SLC25A21: variants seen among roughly 807,000 people sequenced by gnomAD.
SLC25A21 encodes the protein solute carrier family 25 member 21.
In SLC25A21, 47 loss-of-function variants were observed where a neutral mutation model predicts 43.8. The ratio of observed to expected loss-of-function variants is 1.07; its 90% confidence interval spans 0.85 to 1.37. SLC25A21 has a LOEUF of 1.37. SLC25A21 is among the 40% of genes most tolerant of loss of function. The probability of loss-of-function intolerance (pLI) is 0.00; values close to 1 mark genes in which losing one functional copy is unlikely to be tolerated. For synonymous variants in SLC25A21, 131 were observed against 121.3 expected, an observed-to-expected ratio of 1.08 and a Z score of -0.52; for missense variants, 352 against 350.2, an observed-to-expected ratio of 1.00 and a Z score of -0.04.
At chr14:37,033,783 A>T (rs543931366) in intron 1 of SLC25A21, among the ~76,000 whole-genome samples, 2 of 152,264 alleles carry the variant, frequency 1.3e-5, no homozygotes, top group South Asian at 2.1e-4. Flanking sequence ...ATGGTTGAGG[A>T]TTAGAAAGGT....
intron 3 of SLC25A21, among the ~76,000 whole-genome samples, chr14:36,742,725 CAT>C (rs1163050161): frequency 6.6e-6 from 1 of 152,188 alleles, no homozygotes; most frequent in Non-Finnish European, 1.5e-5. Flanking sequence ...AACATTCTAA[CAT>C]AAAACTAACA....
At chr14:36,875,405 G>C (rs936763824) in intron 1 of SLC25A21, among the ~76,000 whole-genome samples, 1 of 152,102 alleles carries the variant, frequency 6.6e-6, no homozygotes, top group Non-Finnish European at 1.5e-5. Flanking sequence ...CCCAGCTTTG[G>C]TATGTTAGTA....
chr14:36,918,153 G>A (rs933061548), intron 1 of SLC25A21, among the ~76,000 whole-genome samples: 2 of 152,102 alleles, frequency 1.3e-5, no homozygotes, highest in Admixed American at 6.6e-5. Context: ...CTACCCTCAG[G>A]CAGGCTTTCT....
intron 1 of SLC25A21, among the ~76,000 whole-genome samples, chr14:37,120,301 G>C (rs1169988981): frequency 6.6e-6 from 1 of 152,058 alleles, no homozygotes; most frequent in Admixed American, 6.5e-5. Context: ...TTTGGCTTTA[G>C]ACCTTTTCAT....
chr14:36,894,762 T>C lies in SLC25A21; in HGVS notation c.71-19758A>G, dbSNP rs561663408. On this transcript the variant is annotated intron_variant, in intron 1 of 9. Transcript: ENST00000331299. ...TTTTTAGCAAGAAGCATTGTTGAATTTTGTTAAAGGCCTTTTCTGCATCTA... is the reference window on the plus strand; with the variant it reads ...TTTTTAGCAAGAAGCATTGTTGAATCTTGTTAAAGGCCTTTTCTGCATCTA... Among the ~76,000 whole-genome samples, 383 of 152,270 alleles carry C rather than the reference T, an allele frequency of 2.5e-3. 2 individuals are homozygous for C. The highest frequency in any genetic ancestry group is 9.1e-3 in the African/African-American group (377 of 41,494).
At chr14:36,958,184 C>T (rs1433657757) in intron 1 of SLC25A21, among the ~76,000 whole-genome samples, 1 of 151,950 alleles carries the variant, frequency 6.6e-6, no homozygotes, top group Non-Finnish European at 1.5e-5. Flanking sequence ...AAGCCTGCCA[C>T]TGCCTCCATC....
At chr14:36,693,578 T>C (rs1882885042) in intron 7 of SLC25A21, among the ~76,000 whole-genome samples, 1 of 152,222 alleles carries the variant, frequency 6.6e-6, no homozygotes, top group Non-Finnish European at 1.5e-5. Flanking sequence ...TCATGTAATC[T>C]AGGGATTTTA....
intron 1 of SLC25A21, among the ~76,000 whole-genome samples, chr14:37,027,619 T>G (rs1486315915): frequency 6.6e-6 from 1 of 152,152 alleles, no homozygotes; most frequent in Non-Finnish European, 1.5e-5. Context: ...CCATGCAATT[T>G]TATAGCAGGC....
At chr14:36,993,064 A>G (rs1179153427) in intron 1 of SLC25A21, among the ~76,000 whole-genome samples, 2 of 152,220 alleles carry the variant, frequency 1.3e-5, no homozygotes, top group South Asian at 2.1e-4. Flanking sequence ...CTGGAATGAG[A>G]GTGAACATAT....
chr14:36,840,666 T>C (rs1889357452), intron 2 of SLC25A21, among the ~76,000 whole-genome samples: 1 of 152,234 alleles, frequency 6.6e-6, no homozygotes, highest in African/African-American at 2.4e-5. Flanking sequence ...CAAATGTTGC[T>C]ATCTAAAAGT....
At chr14:36,926,486 A>G (rs1892136078) in intron 1 of SLC25A21, among the ~76,000 whole-genome samples, 1 of 152,190 alleles carries the variant, frequency 6.6e-6, no homozygotes, top group Non-Finnish European at 1.5e-5. Context: ...AAGATAAATC[A>G]GAGAGGTGGG....
At chr14:37,118,839 A>G (rs1963153233) in intron 1 of SLC25A21, among the ~76,000 whole-genome samples, 1 of 152,098 alleles carries the variant, frequency 6.6e-6, no homozygotes, top group Non-Finnish European at 1.5e-5. Flanking sequence ...TTTGAACCAG[A>G]GTGACTCCAT....
intron 3 of SLC25A21, among the ~76,000 whole-genome samples, chr14:36,745,704 T>C (rs184326739): frequency 6.6e-6 from 1 of 152,300 alleles, no homozygotes; most frequent in Non-Finnish European, 1.5e-5. Context: ...TATTTTTTTC[T>C]TGTAAACTTG....
At chr14:37,148,917 G>A (rs1245860033) in intron 1 of SLC25A21, among the ~76,000 whole-genome samples, 2 of 152,184 alleles carry the variant, frequency 1.3e-5, no homozygotes, top group African/African-American at 4.8e-5. Flanking sequence ...AACATTATCA[G>A]TATATATAAT....
intron 1 of SLC25A21, among the ~76,000 whole-genome samples, chr14:37,106,420 TG>T (rs1375600653): frequency 6.6e-6 from 1 of 152,068 alleles, no homozygotes; most frequent in Non-Finnish European, 1.5e-5. Context: ...CTTATGCGGT[TG>T]AGATAAGGAC....
intron 7 of SLC25A21, among the ~76,000 whole-genome samples, chr14:36,689,437 T>C (rs1882700315): frequency 6.6e-6 from 1 of 152,168 alleles, no homozygotes; most frequent in Non-Finnish European, 1.5e-5. Flanking sequence ...TTGATTTTAT[T>C]AGGCTTGTAA....
chr14:37,090,907 T>C (rs1216578523), intron 1 of SLC25A21, among the ~76,000 whole-genome samples: 1 of 152,190 alleles, frequency 6.6e-6, no homozygotes, highest in Non-Finnish European at 1.5e-5. Context: ...CTGAACCCAC[T>C]GCTCCTAGGG....
intron 6 of SLC25A21, among the ~76,000 whole-genome samples, chr14:36,712,180 A>G (rs1037664894): frequency 6.7e-6 from 1 of 149,296 alleles, no homozygotes; most frequent in African/African-American, 2.6e-5. Flanking sequence ...AGTCTGGCTG[A>G]AGAGCTCACT....
intron 7 of SLC25A21, among the ~76,000 whole-genome samples, chr14:36,687,359 C>T (rs1882601795): frequency 6.6e-6 from 1 of 151,838 alleles, no homozygotes; most frequent in South Asian, 2.1e-4. Context: ...AATACAGATG[C>T]CTGGGTCCCG....
Sources: allele counts gnomAD v4.1 joint callset (sites outside exome capture counted in the v4.1 genomes callset), GRCh38; gene constraint gnomAD v4.1.1; transcripts MANE v1.5; gene names NCBI Gene and HGNC (gene_info 2026-07-23, HGNC 2026-07-21).